STIM1: variants seen among roughly 807,000 people sequenced by gnomAD.
STIM1 encodes stromal interaction molecule 1.
A neutral mutation model predicts 74.7 loss-of-function variants in STIM1; 25 were observed. That is an observed-to-expected ratio of 0.33 (90% CI 0.24 to 0.47). The LOEUF (loss-of-function observed/expected upper bound fraction) is 0.47, where lower values mean the gene tolerates loss of function less well. Ranked by LOEUF, STIM1 falls within the 20% of genes least tolerant of loss-of-function variation. The pLI is 1.00. For missense variants in STIM1, 728 were observed against 920.8 expected, an observed-to-expected ratio of 0.79 and a Z score of 2.71; for synonymous variants, 328 against 348.8, an observed-to-expected ratio of 0.94 and a Z score of 0.66.
rs1169600270 is a variant in STIM1 at position 4,013,690 on chromosome 11, C to CTTTTTTTTTTTTTTTTTTTT, written c.271-10170_271-10151dup. 9.6e-5 allele frequency among the ~76,000 whole-genome samples: 5 copies of CTTTTTTTTTTTTTTTTTTTT among 51,912 alleles called. 2 individuals are homozygous for CTTTTTTTTTTTTTTTTTTTT. The highest frequency in any genetic ancestry group is 3.8e-4 in the African/African-American group (4 of 10,506). 34.1% of individuals were successfully genotyped at this position (51,912 alleles called of 152,430 possible). A position where few individuals can be genotyped will look rare whatever the true frequency, so the allele number is the denominator to read the frequency against. ...AACCAGCTCCTGGATTCATTGATTT[C>CTTTTTTTTTTTTTTTTTTTT]TTTTTTTTTTTTTTTTTTTTTTTTT... On this transcript the variant is annotated intron_variant, in intron 2 of 12. Transcript: ENST00000526596.
intron 1 of STIM1, among the ~76,000 whole-genome samples, chr11:3,899,176 T>C (rs1205380139): frequency 6.6e-6 from 1 of 152,212 alleles, no homozygotes; most frequent in African/African-American, 2.4e-5. Context: ...TTTGTTTGTA[T>C]CCTCTTTTAT....
At chr11:4,019,036 T>A (rs1215094005) in intron 2 of STIM1, 1 of 178,652 alleles carries the variant, frequency 5.6e-6, no homozygotes, top group African/African-American at 2.3e-5. Context: ...CAGCATGGTC[T>A]GATCTGGAAA....
chr11:4,041,063 A>G (rs571563902), intron 3 of STIM1, among the ~76,000 whole-genome samples: 1 of 152,202 alleles, frequency 6.6e-6, no homozygotes, highest in Non-Finnish European at 1.5e-5. Context: ...GTCACACACT[A>G]TCTTTAGGAA....
In STIM1 at chr11:3,931,904, G is replaced by T. The variant is rs74051561; in HGVS notation, c.140-35648G>T. 9.0e-3 allele frequency among the ~76,000 whole-genome samples: 1,374 copies of T among 152,290 alleles called. 20 individuals carry two copies. Among genetic ancestry groups the T allele is most frequent in the African/African-American group, 0.032 (1,318 of 41,564 alleles). ...CCTGTGGAACACGGGCCATACAGGGGATTGAGGCCCTGGGTTTTGAGTTGA... is the reference window on the plus strand; with the variant it reads ...CCTGTGGAACACGGGCCATACAGGGTATTGAGGCCCTGGGTTTTGAGTTGA... On this transcript the variant is annotated intron_variant, in intron 1 of 12. Transcript: ENST00000526596.
rs1341157265 is a variant in STIM1, at chr11:4,004,752, A to C, written c.271-19121A>C. Among the ~76,000 whole-genome samples the C allele has an allele frequency of 4.6e-5, 7 of 152,036 alleles. No individual in the cohort carries two copies. In the East Asian group the frequency reaches 5.8e-4, roughly 13 times the overall value. ...TTGACAAATGGGATCTAATTAAACT[A>C]AAGAGCTTCTGCACAGCAAAAGAAA... On this transcript the variant is annotated intron_variant, in intron 2 of 12. Coordinates refer to ENST00000526596, the MANE Select transcript of STIM1 (RefSeq NM_001382567.1).
intron 2 of STIM1, among the ~76,000 whole-genome samples, chr11:3,997,482 C>T (rs1455111594): frequency 6.6e-6 from 1 of 151,922 alleles, no homozygotes; most frequent in African/African-American, 2.4e-5. Flanking sequence ...TATCGAAACC[C>T]TGTCTCTAAA....
intron 2 of STIM1, among the ~76,000 whole-genome samples, chr11:4,012,855 G>T (rs1301245112): frequency 5.3e-5 from 8 of 152,168 alleles, no homozygotes; most frequent in African/African-American, 1.9e-4. Context: ...TATATTGGCT[G>T]TGGGTTTGTC....
chr11:3,952,249 C>CA (rs1005028525), intron 1 of STIM1, among the ~76,000 whole-genome samples: 3 of 151,946 alleles, frequency 2.0e-5, no homozygotes, highest in Non-Finnish European at 1.5e-5. Flanking sequence ...CTCATCTCTA[C>CA]AAAAAATACA....
chr11:4,024,094 CAAATTATTGAA>C lies in STIM1; in HGVS notation c.385+108_385+118del, dbSNP rs2093979889. ...TGTATATAAAATGCTTAGTAAAGGG[CAAATTATTGAA>C]GTTATTCTACATATAGTCACTAAAA... On this transcript the variant is annotated intron_variant, in intron 3 of 12. Transcript: ENST00000526596. 1.8e-5 allele frequency: 15 copies of C among 830,198 alleles called. No individual in the cohort carries two copies. The Admixed American group carries it at 3.0e-4, about 16-fold the overall frequency. 51.4% of individuals were successfully genotyped at this position (830,198 alleles called of 1,614,324 possible).
intron 1 of STIM1, among the ~76,000 whole-genome samples, chr11:3,917,449 T>C (rs1327943540): frequency 6.6e-6 from 1 of 151,794 alleles, no homozygotes; most frequent in Non-Finnish European, 1.5e-5. Context: ...TTTTTTTTTT[T>C]TTTGAGACAG....
intron 1 of STIM1, among the ~76,000 whole-genome samples, chr11:3,873,610 A>G (rs941655165): frequency 1.3e-5 from 2 of 151,972 alleles, no homozygotes; most frequent in African/African-American, 2.4e-5. Flanking sequence ...GCTTTTTAGT[A>G]TGGATTAGGT....
At chr11:3,871,034 A>G (rs1249253602) in intron 1 of STIM1, among the ~76,000 whole-genome samples, 3 of 151,618 alleles carry the variant, frequency 2.0e-5, no homozygotes, top group Non-Finnish European at 4.4e-5. Flanking sequence ...CACCACTCCC[A>G]ACTAATTTTT....
chr11:3,991,755 C>A (rs1488017111), intron 2 of STIM1, among the ~76,000 whole-genome samples: 3 of 151,094 alleles, frequency 2.0e-5, no homozygotes, highest in African/African-American at 4.9e-5. Flanking sequence ...CAAGACCAGC[C>A]TGACCAACAT....
chr11:3,909,988 T>A (rs928864583), intron 1 of STIM1, among the ~76,000 whole-genome samples: 3 of 151,972 alleles, frequency 2.0e-5, no homozygotes, highest in African/African-American at 7.3e-5. Context: ...GGGAAATGTG[T>A]ATGAGGTGAC....
chr11:3,952,660 G>A (rs758448397), intron 1 of STIM1, among the ~76,000 whole-genome samples: 20 of 152,210 alleles, frequency 1.3e-4, no homozygotes, highest in Non-Finnish European at 2.2e-4. Context: ...CCAGAGAAAT[G>A]TGTGTTATTG....
intron 2 of STIM1, among the ~76,000 whole-genome samples, chr11:3,990,994 G>A (rs1032848371): frequency 2.6e-5 from 4 of 151,894 alleles, no homozygotes; most frequent in Non-Finnish European, 5.9e-5. Context: ...AGTATCTATT[G>A]TTCACATCTT....
chr11:3,938,956 C>T (rs1343857446), intron 1 of STIM1, among the ~76,000 whole-genome samples: 1 of 152,172 alleles, frequency 6.6e-6, no homozygotes, highest in Non-Finnish European at 1.5e-5. Context: ...ACCCCTTTCT[C>T]CTAGGAGGGA....
At chr11:4,041,679 C>T (rs749862938) in intron 3 of STIM1, among the ~76,000 whole-genome samples, 4 of 151,820 alleles carry the variant, frequency 2.6e-5, no homozygotes, top group Admixed American at 6.6e-5. Flanking sequence ...CTCACTCTAG[C>T]CTCAACTCCA....
intron 1 of STIM1, among the ~76,000 whole-genome samples, chr11:3,926,798 A>G (rs1565117918): frequency 6.6e-6 from 1 of 152,220 alleles, no homozygotes; most frequent in Non-Finnish European, 1.5e-5. Context: ...CTTCCTGCCA[A>G]TAGGTAACCC....
Sources: allele counts gnomAD v4.1 joint callset (sites outside exome capture counted in the v4.1 genomes callset), GRCh38; gene constraint gnomAD v4.1.1; transcripts MANE v1.5; gene names NCBI Gene and HGNC (gene_info 2026-07-23, HGNC 2026-07-21).